SKAP2: variants seen among roughly 807,000 people sequenced by gnomAD.
The protein encoded by SKAP2 is src kinase-associated phosphoprotein 2.
In SKAP2, 28 loss-of-function variants were observed where a neutral mutation model predicts 54.9. That is an observed-to-expected ratio of 0.51 (90% CI 0.38 to 0.70). The LOEUF (loss-of-function observed/expected upper bound fraction) is 0.70. Among genes scored for constraint, SKAP2 ranks in the 30% least tolerant of loss-of-function variants. The pLI, the probability that SKAP2 is intolerant of heterozygous loss-of-function variation, is 0.00. For synonymous variants in SKAP2, 137 were observed against 134.3 expected (o/e 1.02, Z -0.14); for missense variants, 356 against 424.1 (o/e 0.84, Z 1.41).
At chr7:26,762,687 A>C (rs1232983759) in intron 4 of SKAP2, among the ~76,000 whole-genome samples, 1 of 152,174 alleles carries the variant, frequency 6.6e-6, no homozygotes, top group Non-Finnish European at 1.5e-5. Context: ...AATACAAAAA[A>C]AAAAATTGAT....
At chr7:26,749,745 C>CAAT (rs68049436) in intron 4 of SKAP2, among the ~76,000 whole-genome samples, 11,881 of 144,580 alleles carry the variant, frequency 0.082, 525 homozygotes, top group Middle Eastern at 0.14. Context: ...CAAATAATAA[C>CAAT]AATAATAATA....
intron 3 of SKAP2, among the ~76,000 whole-genome samples, chr7:26,849,247 G>A (rs887115995): frequency 1.3e-5 from 2 of 152,134 alleles, no homozygotes; most frequent in African/African-American, 4.8e-5. Context: ...TGCTTTCTAA[G>A]TAAATCTATG....
chr7:26,768,491 C>T (rs1783114300), intron 4 of SKAP2, among the ~76,000 whole-genome samples: 1 of 152,140 alleles, frequency 6.6e-6, no homozygotes, highest in African/African-American at 2.4e-5. Context: ...GAATTTGATC[C>T]TGTCATTATG....
intron 4 of SKAP2, among the ~76,000 whole-genome samples, chr7:26,791,769 T>C (rs572606827): frequency 4.6e-5 from 7 of 152,312 alleles, no homozygotes; most frequent in African/African-American, 1.4e-4. Flanking sequence ...CTGGTGGGCA[T>C]GCAAAATGGT....
chr7:26,856,297 G>GTTATATTAACAACTGATGTATTAAAAAA (rs1785161201), intron 1 of SKAP2, among the ~76,000 whole-genome samples: 1 of 152,022 alleles, frequency 6.6e-6, no homozygotes. Flanking sequence ...CTTTCCTTGA[G>GTTATATTAACAACTGATGTATTAAAAAA]TTATATTAAC....
intron 4 of SKAP2, among the ~76,000 whole-genome samples, chr7:26,786,935 C>G (rs1426163206): frequency 6.6e-6 from 1 of 152,138 alleles, no homozygotes; most frequent in East Asian, 1.9e-4. Flanking sequence ...TTTTGCATCT[C>G]TGTTTCCCAT....
intron 11 of SKAP2, among the ~76,000 whole-genome samples, chr7:26,683,535 T>TGGAAGGAA (rs145108418): frequency 0.09 from 13,299 of 147,068 alleles, 725 homozygotes; most frequent in East Asian, 0.15. Flanking sequence ...GATGGATGGA[T>TGGAAGGAA]GGAAGGAAGG....
At chr7:26,743,433 T>C (rs1219115536) in intron 4 of SKAP2, among the ~76,000 whole-genome samples, 2 of 152,148 alleles carry the variant, frequency 1.3e-5, no homozygotes, top group African/African-American at 4.8e-5. Context: ...AAGTTAAGCA[T>C]TGTAGCTACT....
At chr7:26,738,080 T>G (rs1238785370) in intron 6 of SKAP2, among the ~76,000 whole-genome samples, 2 of 152,226 alleles carry the variant, frequency 1.3e-5, no homozygotes, top group East Asian at 3.9e-4. Flanking sequence ...CTGTGAACAG[T>G]CACAGCTCTC....
chr7:26,713,743 G>C (rs890508604), intron 9 of SKAP2, among the ~76,000 whole-genome samples: 1 of 152,024 alleles, frequency 6.6e-6, no homozygotes, highest in Non-Finnish European at 1.5e-5. Flanking sequence ...GGGACTACAG[G>C]TGCCCGCCAC....
chr7:26,812,292 T>C (rs1333604595), intron 4 of SKAP2, among the ~76,000 whole-genome samples: 1 of 152,120 alleles, frequency 6.6e-6, no homozygotes, highest in African/African-American at 2.4e-5. Context: ...TACTGGGAAA[T>C]GAGAGTATTT....
At chr7:26,753,797 G>T (rs1782733789) in intron 4 of SKAP2, among the ~76,000 whole-genome samples, 1 of 152,138 alleles carries the variant, frequency 6.6e-6, no homozygotes, top group African/African-American at 2.4e-5. Flanking sequence ...AGAAGCTCAT[G>T]ATTAGGTGCA....
intron 4 of SKAP2, among the ~76,000 whole-genome samples, chr7:26,820,051 C>T (rs1185676446): frequency 1.3e-5 from 2 of 152,026 alleles, no homozygotes; most frequent in Non-Finnish European, 2.9e-5. Context: ...GGCGCACTGG[C>T]ACATGCCTAT....
At chr7:26,857,254 AC>A (rs1272250282) in intron 1 of SKAP2, among the ~76,000 whole-genome samples, 2 of 129,020 alleles carry the variant, frequency 1.6e-5, no homozygotes, top group African/African-American at 6.0e-5. Flanking sequence ...ATAAACAGTG[AC>A]TTTTTCGTGA....
At chr7:26,737,626 A>G (rs946348076) in intron 6 of SKAP2, among the ~76,000 whole-genome samples, 7 of 152,236 alleles carry the variant, frequency 4.6e-5, no homozygotes, top group Non-Finnish European at 8.8e-5. Context: ...GAAAGCTTAC[A>G]TTCAGTGATA....
chr7:26,767,006 T>C (rs1283450295), intron 4 of SKAP2, among the ~76,000 whole-genome samples: 2 of 152,172 alleles, frequency 1.3e-5, no homozygotes, highest in African/African-American at 4.8e-5. Flanking sequence ...GAGGAGTCCC[T>C]CTTTTTCTAC....
intron 9 of SKAP2, among the ~76,000 whole-genome samples, chr7:26,698,398 A>G (rs988136625): frequency 2.0e-5 from 3 of 152,176 alleles, no homozygotes; most frequent in African/African-American, 4.8e-5. Context: ...CTTTTTCACT[A>G]TGTTAACATT....
chr7:26,696,673 G>C (rs574681265), intron 9 of SKAP2, among the ~76,000 whole-genome samples: 11 of 152,218 alleles, frequency 7.2e-5, no homozygotes, highest in Admixed American at 5.9e-4. Context: ...TTTCACCTTT[G>C]ACATTCTATT....
intron 8 of SKAP2, 108 bp from the exon 9 acceptor site, chr7:26,725,673 T>C (rs1346063503): frequency 1.1e-5 from 12 of 1,105,942 alleles, no homozygotes; most frequent in Middle Eastern, 3.1e-4. Context: ...AATATTGTTA[T>C]ATGTTATGTC....
Sources: gnomAD v4.1 joint callset for allele counts (sites outside exome capture counted in the v4.1 genomes callset) on GRCh38, gnomAD v4.1.1 for gene constraint, MANE v1.5 for transcripts, NCBI Gene and HGNC (gene_info 2026-07-23, HGNC 2026-07-21) for gene names.